PITPNC1: variants seen among roughly 807,000 people sequenced by gnomAD.
PITPNC1 encodes the protein cytoplasmic phosphatidylinositol transfer protein 1.
In PITPNC1, 18 loss-of-function variants were observed where a neutral mutation model predicts 44.7. The observed-to-expected ratio is 0.40, with a 90% CI of 0.28 to 0.60. PITPNC1 has a LOEUF of 0.60. Ranked by LOEUF, PITPNC1 falls within the 20% of genes least tolerant of loss-of-function variation. The pLI is 0.39. For synonymous variants in PITPNC1, 141 were observed against 149.6 expected, an observed-to-expected ratio of 0.94 and a Z score of 0.42; for missense variants, 290 against 418.4, an observed-to-expected ratio of 0.69 and a Z score of 2.68.
At chr17:67,387,154 A>AG (rs1002250272) in intron 1 of PITPNC1, among the ~76,000 whole-genome samples, 1 of 152,210 alleles carries the variant, frequency 6.6e-6, no homozygotes, top group African/African-American at 2.4e-5. Context: ...GCACACCGCC[A>AG]GGGGGCGCCA....
chr17:67,422,361 C>A (rs1180187979), intron 1 of PITPNC1, among the ~76,000 whole-genome samples: 1 of 152,126 alleles, frequency 6.6e-6, no homozygotes, highest in Non-Finnish European at 1.5e-5. Flanking sequence ...GTGGACAAGT[C>A]ATTTCAACTC....
chr17:67,622,057 C>T (rs932559847), intron 5 of PITPNC1, among the ~76,000 whole-genome samples: 14 of 152,206 alleles, frequency 9.2e-5, no homozygotes, highest in African/African-American at 3.1e-4. Flanking sequence ...ATCACGAGGT[C>T]AGGAGATCGA....
chr17:67,520,475 C>T (rs2040310832), intron 1 of PITPNC1, among the ~76,000 whole-genome samples: 1 of 152,206 alleles, frequency 6.6e-6, no homozygotes, highest in East Asian at 1.9e-4. Context: ...TTTCACATTT[C>T]CTGGCAAATC....
chr17:67,514,403 G>A (rs2040231680), intron 1 of PITPNC1, among the ~76,000 whole-genome samples: 1 of 151,394 alleles, frequency 6.6e-6, no homozygotes, highest in African/African-American at 2.4e-5. Flanking sequence ...GTTTTACCAT[G>A]TTGGCCAGGC....
chr17:67,578,404 T>C (rs1218891543), intron 5 of PITPNC1, 147 bp downstream of exon 5: 1 of 621,394 alleles, frequency 1.6e-6, no homozygotes, highest in African/African-American at 1.8e-5. Context: ...CTGAGGGTTA[T>C]TTCCCTGGGA....
At chr17:67,547,503 G>A (rs769810151) in intron 2 of PITPNC1, among the ~76,000 whole-genome samples, 4 of 152,110 alleles carry the variant, frequency 2.6e-5, no homozygotes, top group Non-Finnish European at 4.4e-5. Flanking sequence ...GCAACAGAGC[G>A]AGACCCTGTC....
chr17:67,580,650 T>A (rs537890949), intron 5 of PITPNC1, among the ~76,000 whole-genome samples: 9 of 152,082 alleles, frequency 5.9e-5, no homozygotes, highest in Non-Finnish European at 8.8e-5. Context: ...TGGAAAAAAA[T>A]TTTTTAAATA....
chr17:67,466,627 C>T (rs138987524), intron 1 of PITPNC1, among the ~76,000 whole-genome samples: 121 of 152,226 alleles, frequency 7.9e-4, no homozygotes, highest in African/African-American at 2.7e-3. Context: ...TCTTGCCTTC[C>T]GAATTCAGTG....
intron 1 of PITPNC1, among the ~76,000 whole-genome samples, chr17:67,440,558 G>T (rs2038998782): frequency 1.3e-5 from 2 of 149,812 alleles, no homozygotes; most frequent in Non-Finnish European, 3.0e-5. Flanking sequence ...TTGAGACAGG[G>T]TCTCACTCCA....
chr17:67,478,703 G>A (rs1292993635), intron 1 of PITPNC1, among the ~76,000 whole-genome samples: 1 of 151,984 alleles, frequency 6.6e-6, no homozygotes, highest in Non-Finnish European at 1.5e-5. Flanking sequence ...GGTCTCTGTG[G>A]CCCTCTTTTT....
intron 8 of PITPNC1, among the ~76,000 whole-genome samples, chr17:67,677,829 C>G (rs1177634986): frequency 6.6e-6 from 1 of 151,808 alleles, no homozygotes; most frequent in Non-Finnish European, 1.5e-5. Flanking sequence ...CTCAGCCTCC[C>G]AAAGTGCTGG....
At chr17:67,642,758 C>T (rs2042105187) in intron 6 of PITPNC1, among the ~76,000 whole-genome samples, 5 of 152,104 alleles carry the variant, frequency 3.3e-5, no homozygotes, top group Admixed American at 3.3e-4. Context: ...GAAGCTACCT[C>T]AGCATTTGGA....
intron 1 of PITPNC1, among the ~76,000 whole-genome samples, chr17:67,450,577 C>T (rs963510770): frequency 6.6e-6 from 1 of 152,044 alleles, no homozygotes; most frequent in Non-Finnish European, 1.5e-5. Context: ...AGGCGCACAC[C>T]ACCGTGCCCA....
intron 1 of PITPNC1, among the ~76,000 whole-genome samples, chr17:67,451,709 G>T (rs888828736): frequency 6.6e-6 from 1 of 151,462 alleles, no homozygotes; most frequent in Non-Finnish European, 1.5e-5. Flanking sequence ...CGCGATCTCG[G>T]CTCACTGCAA....
At chr17:67,677,050 A>C (rs2042616350) in intron 8 of PITPNC1, among the ~76,000 whole-genome samples, 1 of 151,942 alleles carries the variant, frequency 6.6e-6, no homozygotes, top group African/African-American at 2.4e-5. Flanking sequence ...CAGGCAGGAG[A>C]GTCTCCTGTG....
chr17:67,472,863 G>A (rs1166199137), intron 1 of PITPNC1, among the ~76,000 whole-genome samples: 3 of 151,354 alleles, frequency 2.0e-5, no homozygotes, highest in Non-Finnish European at 4.4e-5. Flanking sequence ...GCTAAAACCA[G>A]CACCATAATT....
chr17:67,494,946 C>G (rs1598740960), intron 1 of PITPNC1, among the ~76,000 whole-genome samples: 2 of 149,162 alleles, frequency 1.3e-5, no homozygotes, highest in Admixed American at 1.3e-4. Context: ...GAACTTCAGC[C>G]TGGGTGACGG....
At chr17:67,469,359 T>G (rs2039479074) in intron 1 of PITPNC1, among the ~76,000 whole-genome samples, 1 of 151,988 alleles carries the variant, frequency 6.6e-6, no homozygotes, top group Non-Finnish European at 1.5e-5. Flanking sequence ...GAGCTCAGAG[T>G]GTGGGCCTCC....
chr17:67,629,175 G>T (rs1396524603), intron 5 of PITPNC1, among the ~76,000 whole-genome samples: 1 of 149,792 alleles, frequency 6.7e-6, no homozygotes. Flanking sequence ...ACCAATAAAT[G>T]TCAAACCTTT....
Sources: allele counts gnomAD v4.1 joint callset (sites outside exome capture counted in the v4.1 genomes callset), GRCh38; gene constraint gnomAD v4.1.1; transcripts MANE v1.5; gene names NCBI Gene and HGNC (gene_info 2026-07-23, HGNC 2026-07-21).